Variants in MATR3 observed in about 807,000 individuals in gnomAD.
MATR3 encodes the protein matrin-3.
In MATR3, 4 loss-of-function variants were observed where a neutral mutation model predicts 85.5. The observed-to-expected ratio is 0.05, with a 90% confidence interval of 0.02 to 0.11. The LOEUF is 0.11. Among genes scored for constraint, MATR3 ranks in the 10% least tolerant of loss-of-function variants. MATR3 has a pLI of 1.00. For synonymous variants in MATR3, 336 were observed against 343.1 expected, an observed-to-expected ratio of 0.98 and a Z score of 0.23; for missense variants, 685 against 1,016.1, an observed-to-expected ratio of 0.67 and a Z score of 4.43.
intron 2 of MATR3, chr5:139,313,048 G>A (rs1349067068): frequency 6.8e-6 from 1 of 146,912 alleles, no homozygotes; most frequent in Non-Finnish European, 1.5e-5. Flanking sequence ...TTTTTTTTAG[G>A]AGCTCATTTA....
At chr5:139,326,799 A>G (rs1282669404) in intron 14 of MATR3, among the ~76,000 whole-genome samples, 2 of 152,184 alleles carry the variant, frequency 1.3e-5, no homozygotes, top group Non-Finnish European at 2.9e-5. Flanking sequence ...CTACATAACA[A>G]TTTAGTGTTT....
At chr5:139,291,481 A>C (rs1753868043), upstream of MATR3, among the ~76,000 whole-genome samples, 1 of 152,222 alleles carries the variant, frequency 6.6e-6, no homozygotes, top group African/African-American at 2.4e-5. Context: ...TAATATTGTG[A>C]ATCAGTGGCT....
rs976426335 is a variant in MATR3, at chr5:139,307,140, T to G, written c.-177-99T>G. 7 of 672,224 alleles carry G rather than the reference T, an allele frequency of 1.0e-5. No individual in the cohort carries two copies. The highest frequency in any genetic ancestry group is 1.2e-5 in the Non-Finnish European group (6 of 521,482). 41.6% of individuals were successfully genotyped at this position (672,224 alleles called of 1,614,324 possible). ...CCTTGTAAGTTTGAGATCTTAAATGTTTTTTTTTTAAATCAACATGATGCA... is the reference window on the plus strand; with the variant it reads ...CCTTGTAAGTTTGAGATCTTAAATGGTTTTTTTTTAAATCAACATGATGCA... On this transcript the variant is annotated intron_variant, in intron 1 of 14. Coordinates refer to ENST00000394805, the MANE Select transcript of MATR3 (RefSeq NM_018834.6). The surrounding 1 kb of genome is among the most constrained non-coding windows in gnomAD (Gnocchi z 4.4).
intron 1 of MATR3, among the ~76,000 whole-genome samples, chr5:139,300,613 TA>T: frequency 6.6e-6 from 1 of 152,338 alleles, no homozygotes. Context: ...AGATGATTAC[TA>T]CGGTGCTGTG....
chr5:139,281,681 C>T lies in MATR3; in HGVS notation c.-178+2552C>T, dbSNP rs12514069. Among the ~76,000 whole-genome samples, 1,930 of 152,156 alleles carry T rather than the reference C, an allele frequency of 0.013. 98 individuals are homozygous for T. In the East Asian group the frequency reaches 0.14, roughly 11 times the overall value. On this transcript the variant is annotated intron_variant, in intron 3 of 16. Transcript: ENST00000509990. ...TAGTTTTTTTCTGTTAATCTTTTCCCATGCTGCAATGAAAACTTGAATGAG... is the reference window on the plus strand; with the variant it reads ...TAGTTTTTTTCTGTTAATCTTTTCCTATGCTGCAATGAAAACTTGAATGAG...
At chr5:139,325,218 C>A in intron 12 of MATR3, 1 of 1,518,784 alleles carries the variant, frequency 6.6e-7, no homozygotes, top group Non-Finnish European at 8.8e-7. Context: ...AAGACGCTAT[C>A]CGTTTCCCTT....
chr5:139,294,627 T>C (rs1754047616), intron 1 of MATR3: 1 of 152,270 alleles, frequency 6.6e-6, no homozygotes, highest in African/African-American at 2.4e-5. Context: ...GCGGGTGATT[T>C]GCACTTGTTT....
chr5:139,289,611 G>C (rs749229545), upstream of MATR3, among the ~76,000 whole-genome samples: 1 of 152,118 alleles, frequency 6.6e-6, no homozygotes, highest in Non-Finnish European at 1.5e-5. Context: ...CATACCTCCT[G>C]TTACTGTAAA....
At chr5:139,327,609 TGG>T (rs1755924678) in intron 14 of MATR3, among the ~76,000 whole-genome samples, 1 of 151,930 alleles carries the variant, frequency 6.6e-6, no homozygotes, top group African/African-American at 2.4e-5. Flanking sequence ...TTAGTGGAAA[TGG>T]GGTTTCTCCA....
At chr5:139,275,557 G>C (rs1034815523) in intron 1 of MATR3, among the ~76,000 whole-genome samples, 3 of 152,094 alleles carry the variant, frequency 2.0e-5, no homozygotes, top group African/African-American at 7.2e-5. Flanking sequence ...TGTTTACTGA[G>C]TGCCCACACT....
In MATR3 at chr5:139,319,032, A is replaced by C; in HGVS notation, c.1433A>C (p.Lys478Thr). Residue 478 changes from lysine to threonine, a missense_variant and splice_region_variant, in exon 8 of 15, where the codon AAG (lysine) becomes ACG (threonine). Lys to Thr is a moderately conservative substitution (Grantham distance 78). Transcript: ENST00000394805. Reference sequence around the variant, plus strand: ...TTATCCCAGAAGTATAAAAGAATAAAGGTAATGTTTATTTTTTTCAAGCTG... The same window carrying C: ...TTATCCCAGAAGTATAAAAGAATAACGGTAATGTTTATTTTTTTCAAGCTG... ...VHLSQKYKRI[K>T]KPEGKPDQKF... The C allele has an allele frequency of 6.2e-7, 1 of 1,612,404 alleles. No individual in the cohort carries two copies.
At chr5:139,322,170 T>C (rs1755607038) in intron 10 of MATR3, 141 bp downstream of exon 10, 2 of 1,053,556 alleles carry the variant, frequency 1.9e-6, no homozygotes, top group Non-Finnish European at 2.8e-6. Flanking sequence ...GAGAACAACC[T>C]TTTTTTCTGG....
In MATR3 at chr5:139,330,519, G is replaced by A. The variant is rs1756087365; in HGVS notation, c.*1124G>A. ...ACAATTTATTACTTTTAAATCTAGA[G>A]TGAATTCTAAAGACTGCCGCTAAAG... On this transcript the variant is annotated 3_prime_UTR_variant, in exon 15 of 15. Transcript: ENST00000394805. The A allele has an allele frequency of 2.2e-6, 1 of 454,008 alleles. No homozygotes were observed. The highest frequency in any genetic ancestry group is 2.0e-5 in the African/African-American group (1 of 50,016). The allele number at this position is 454,008 out of a possible 1,614,324, so 28.1% of individuals were successfully genotyped here.
In MATR3 at chr5:139,329,403, AAGG is replaced by A. The variant is rs1179706261; in HGVS notation, c.*11_*13del. 2.5e-6 allele frequency: 4 copies of A among 1,607,336 alleles called. No homozygotes were observed. In the South Asian group the frequency reaches 3.3e-5, roughly 13 times the overall value. On this transcript the variant is annotated 3_prime_UTR_variant, in exon 15 of 15. Transcript: ENST00000394805. ...CAGAAGAAGGAAACTTAAGATGTGCAAGGAGATTTAATGATTTCAAAGAAAATA... is the reference window on the plus strand; with the variant it reads ...CAGAAGAAGGAAACTTAAGATGTGCAAGATTTAATGATTTCAAAGAAAATA...
chr5:139,304,135 T>A (rs1029270453), intron 1 of MATR3, among the ~76,000 whole-genome samples: 6 of 152,212 alleles, frequency 3.9e-5, no homozygotes, highest in African/African-American at 1.4e-4. Context: ...AGCTTAAAAT[T>A]GTATCATAAA....
intron 8 of MATR3, 120 bp downstream of exon 8, chr5:139,319,153 G>A (rs1755410781): frequency 5.3e-6 from 7 of 1,318,746 alleles, no homozygotes; most frequent in South Asian, 3.7e-5. Flanking sequence ...TGTAATCCCA[G>A]CACCTTGGGA....
chr5:139,284,812 C>T (rs1030830320), intron 3 of MATR3, among the ~76,000 whole-genome samples: 2 of 151,896 alleles, frequency 1.3e-5, no homozygotes, highest in Non-Finnish European at 2.9e-5. Flanking sequence ...TAAGTAGCTG[C>T]GAGGATATAA....
chr5:139,321,177 T>C (rs1262766902), intron 9 of MATR3, among the ~76,000 whole-genome samples: 2 of 151,946 alleles, frequency 1.3e-5, no homozygotes, highest in African/African-American at 4.8e-5. Context: ...TGAGATGGAG[T>C]CTTGCTCTGT....
At chr5:139,314,624 A>C in intron 2 of MATR3, 51 bp from the exon 3 acceptor site, 1 of 1,481,062 alleles carries the variant, frequency 6.8e-7, no homozygotes, top group Non-Finnish European at 9.4e-7. Flanking sequence ...GGTTCAGATG[A>C]AAATATTTCA....
Sources: allele counts gnomAD v4.1 joint callset (sites outside exome capture counted in the v4.1 genomes callset), GRCh38; gene constraint gnomAD v4.1.1; non-coding constraint Gnocchi (gnomAD v3.1); transcripts MANE v1.5; gene names NCBI Gene and HGNC (gene_info 2026-07-23, HGNC 2026-07-21).